The following FBLN2 variants were observed in gnomAD, a reference collection of about 807,000 sequenced individuals.
The protein encoded by FBLN2 is fibulin 2, also known as fibulin-2.
Under a neutral mutation model 123.7 loss-of-function variants are expected in FBLN2, and 81 were observed. The observed-to-expected ratio is 0.65, with a 90% confidence interval of 0.55 to 0.79. The LOEUF (loss-of-function observed/expected upper bound fraction) is 0.79, where lower values mean the gene tolerates loss of function less well. FBLN2 is among the 30% of genes least tolerant of loss of function. FBLN2 has a pLI of 0.00. For missense variants in FBLN2, 1,603 were observed against 1,681.3 expected (o/e 0.95, Z 0.81); for synonymous variants, 699 against 701.4 (o/e 1.00, Z 0.05).
chr3:13,625,678 T>G (rs1706012214), intron 9 of FBLN2, among the ~76,000 whole-genome samples: 1 of 152,058 alleles, frequency 6.6e-6, no homozygotes, highest in African/African-American at 2.4e-5. Context: ...TTCACAATAC[T>G]TCAGAATCTA....
At chr3:13,603,924 C>G (rs1199776719) in intron 2 of FBLN2, among the ~76,000 whole-genome samples, 6 of 152,298 alleles carry the variant, frequency 3.9e-5, no homozygotes, top group African/African-American at 1.4e-4. Flanking sequence ...TTAATGATCA[C>G]CATTCTGACT....
At chr3:13,636,057 C>T (rs1178013589) in intron 16 of FBLN2, among the ~76,000 whole-genome samples, 2 of 152,196 alleles carry the variant, frequency 1.3e-5, no homozygotes, top group East Asian at 3.9e-4. Context: ...CCAGCAGCAG[C>T]AAAGGCCCTG....
chr3:13,611,121 A>G (rs1384236437), intron 4 of FBLN2, among the ~76,000 whole-genome samples: 1 of 151,612 alleles, frequency 6.6e-6, no homozygotes, highest in Non-Finnish European at 1.5e-5. Context: ...TTGGTTTTGT[A>G]TTTTTACTAG....
At chr3:13,573,895 A>AG (rs1491362890) in intron 2 of FBLN2, among the ~76,000 whole-genome samples, 2 of 54,496 alleles carry the variant, frequency 3.7e-5, no homozygotes, top group African/African-American at 2.6e-4. Context: ...AGTGAAACTC[A>AG]AAAAAAAAAA....
In FBLN2 at chr3:13,571,405, C is replaced by T; in HGVS notation, c.1050C>T (p.Ser350=). 3 of 1,613,082 alleles carry T rather than the reference C, an allele frequency of 1.9e-6. No individual in the cohort carries two copies. The highest frequency in any genetic ancestry group is 2.5e-6 in the Non-Finnish European group (3 of 1,179,628). Residue 350 remains serine (S), a synonymous_variant, in exon 2 of 18, where the codon AGC becomes AGT. Transcript: ENST00000404922. ...TGGATGCCCAAGCCACGTCCCGCAG[C>T]ACTGGGCCGGAGGGCGTGACGCATG... ...LILDAQATSR[S]TGPEGVTHAP...
rs531198442 is a variant in FBLN2 at position 13,567,795 on chromosome 3, C to G, written c.-41-2520C>G. Among the ~76,000 whole-genome samples the G allele has an allele frequency of 2.5e-3, 139 of 54,864 alleles. 1 individual carries two copies. The highest frequency in any genetic ancestry group is 5.8e-3 in the African/African-American group (126 of 21,654). 36.0% of individuals were successfully genotyped at this position (54,864 alleles called of 152,430 possible). Reference sequence around the variant, plus strand: ...CCAATCTGGGCAACACAGTGAGACCCTTGTTAAAAAAAATTAGCTGGGTGT... The same window carrying G: ...CCAATCTGGGCAACACAGTGAGACCGTTGTTAAAAAAAATTAGCTGGGTGT... On this transcript the variant is annotated intron_variant, in intron 1 of 17. Coordinates refer to ENST00000404922, the MANE Select transcript of FBLN2 (RefSeq NM_001004019.2).
intron 7 of FBLN2, 42 bp from the exon 8 acceptor site, chr3:13,619,688 C>A (rs933271332): frequency 6.4e-7 from 1 of 1,565,326 alleles, no homozygotes; most frequent in Non-Finnish European, 8.8e-7. Context: ...TGGACCAAGG[C>A]CAGGGCCTGG....
At chr3:13,568,216 C>T (rs1242513118) in intron 1 of FBLN2, among the ~76,000 whole-genome samples, 1 of 152,206 alleles carries the variant, frequency 6.6e-6, no homozygotes, top group Non-Finnish European at 1.5e-5. Context: ...GGGCTTCCAT[C>T]TCCCTGCCCG....
At chr3:13,573,514 A>G (rs1049856903) in intron 2 of FBLN2, among the ~76,000 whole-genome samples, 1 of 152,064 alleles carries the variant, frequency 6.6e-6, no homozygotes, top group Non-Finnish European at 1.5e-5. Context: ...CAAAGCCCCA[A>G]GCTCCCCAAG....
intron 11 of FBLN2, among the ~76,000 whole-genome samples, 198 bp downstream of exon 11, chr3:13,628,167 C>T (rs1028384772): frequency 2.2e-4 from 33 of 152,202 alleles, no homozygotes; most frequent in African/African-American, 7.0e-4. Context: ...TGTAGCTGCT[C>T]CTATTACCTT....
At chr3:13,552,809 G>A (rs1306696842) in intron 1 of FBLN2, among the ~76,000 whole-genome samples, 1 of 152,130 alleles carries the variant, frequency 6.6e-6, no homozygotes, top group Non-Finnish European at 1.5e-5. Flanking sequence ...AGTGTGCCCA[G>A]GGCCTTGGAT....
intron 11 of FBLN2, among the ~76,000 whole-genome samples, chr3:13,628,472 A>G (rs771611817): frequency 2.0e-5 from 3 of 152,138 alleles, no homozygotes; most frequent in Admixed American, 6.5e-5. Flanking sequence ...AGTTTTACAG[A>G]TGCCGGCCTA....
chr3:13,600,831 G>T (rs953481494), intron 2 of FBLN2, among the ~76,000 whole-genome samples: 1 of 152,142 alleles, frequency 6.6e-6, no homozygotes, highest in South Asian at 2.1e-4. Flanking sequence ...GGCCAGGTTG[G>T]TCTCAAACTC....
intron 2 of FBLN2, among the ~76,000 whole-genome samples, chr3:13,607,265 C>T (rs1235236680): frequency 1.3e-5 from 2 of 152,088 alleles, no homozygotes; most frequent in Non-Finnish European, 2.9e-5. Flanking sequence ...GGATAACAGG[C>T]ATGAGCCACC....
rs1326717280 is a variant in FBLN2, at chr3:13,570,639, G to A, written c.284G>A (p.Ser95Asn). ...CAGTCCTATTTTGTGGACTTCGGGAGCACTGAGTGCTCCTGCCCACCAGGC... is the reference window on the plus strand; with the variant it reads ...CAGTCCTATTTTGTGGACTTCGGGAACACTGAGTGCTCCTGCCCACCAGGC... ...AGQSYFVDFG[S>N]TECSCPPGGG... Residue 95 changes from serine (S) to asparagine (N), a missense_variant, in exon 2 of 18, where the codon AGC (serine) becomes AAC (asparagine). Physicochemically the swap from Ser to Asn is conservative, Grantham distance 46 (BLOSUM62 1). Transcript: ENST00000404922. 1 of 1,582,342 alleles carries A rather than the reference G, an allele frequency of 6.3e-7. No homozygotes were observed. The highest frequency in any genetic ancestry group is 1.1e-5 in the South Asian group (1 of 87,134).
intron 5 of FBLN2, among the ~76,000 whole-genome samples, chr3:13,616,837 C>T (rs1408289065): frequency 6.6e-6 from 1 of 152,166 alleles, no homozygotes; most frequent in East Asian, 1.9e-4. Flanking sequence ...GGGTTTATTC[C>T]AGAATCTGGA....
At chr3:13,609,381 C>T (rs1705312842) in intron 3 of FBLN2, 132 bp from the exon 4 acceptor site, 14 of 1,032,014 alleles carry the variant, frequency 1.4e-5, no homozygotes, top group East Asian at 8.5e-5. Flanking sequence ...GAGGTTGTGC[C>T]GGCTCTGCCA....
intron 1 of FBLN2, among the ~76,000 whole-genome samples, chr3:13,563,314 G>A (rs1396188046): frequency 6.6e-6 from 1 of 152,228 alleles, no homozygotes; most frequent in Non-Finnish European, 1.5e-5. Flanking sequence ...AGCGGCCACA[G>A]GTGCTGGCTG....
intron 2 of FBLN2, among the ~76,000 whole-genome samples, chr3:13,596,294 T>C (rs1704839643): frequency 6.6e-6 from 1 of 152,188 alleles, no homozygotes; most frequent in Non-Finnish European, 1.5e-5. Flanking sequence ...CATGCCACCA[T>C]GCCTGGCTAA....
Sources: gnomAD v4.1 joint callset for allele counts (sites outside exome capture counted in the v4.1 genomes callset) on GRCh38, gnomAD v4.1.1 for gene constraint, MANE v1.5 for transcripts, NCBI Gene and HGNC (gene_info 2026-07-23, HGNC 2026-07-21) for gene names.